Variants in DYSF observed in about 807,000 individuals in gnomAD.
DYSF encodes dysferlin, also known as dystrophy-associated fer-1-like 1.
In DYSF, 212 loss-of-function variants were observed where a neutral mutation model predicts 274.9. The observed-to-expected ratio is 0.77, with a 90% confidence interval of 0.69 to 0.86. DYSF has a LOEUF of 0.86. DYSF is among the 40% of genes least tolerant of loss of function. The probability of loss-of-function intolerance (pLI) is 0.00; values close to 1 mark genes in which losing one functional copy is unlikely to be tolerated. For synonymous variants in DYSF, 1,091 were observed against 1,078.7 expected, an observed-to-expected ratio of 1.01 and a Z score of -0.22; for missense variants, 2,666 against 2,783.2, an observed-to-expected ratio of 0.96 and a Z score of 0.95.
intron 14 of DYSF, among the ~76,000 whole-genome samples, chr2:71,529,777 G>A (rs2088443659): frequency 6.6e-6 from 1 of 152,100 alleles, no homozygotes; most frequent in South Asian, 2.1e-4. Context: ...CATTTAGTTG[G>A]GACTGCAAAG....
At chr2:71,499,674 T>C (rs894951424) in intron 3 of DYSF, among the ~76,000 whole-genome samples, 1 of 152,230 alleles carries the variant, frequency 6.6e-6, no homozygotes, top group Admixed American at 6.5e-5. Flanking sequence ...TCAAGCTGCC[T>C]TGGCCTCTCC....
chr2:71,495,084 T>C (rs1160393174), intron 3 of DYSF, among the ~76,000 whole-genome samples: 1 of 152,106 alleles, frequency 6.6e-6, no homozygotes, highest in Non-Finnish European at 1.5e-5. Context: ...TCCAGGCACA[T>C]GTGGGGGGTG....
chr2:71,517,568 C>T (rs1308919307), intron 10 of DYSF, among the ~76,000 whole-genome samples: 2 of 152,098 alleles, frequency 1.3e-5, no homozygotes, highest in African/African-American at 4.8e-5. Flanking sequence ...TCTATGTTAG[C>T]TAATTTGTTG....
Position 71,515,657 on chromosome 2 carries a change from C to T in DYSF, c.794C>T (p.Pro265Leu), listed in dbSNP as rs143053635. 1.0e-4 allele frequency: 166 copies of T among 1,613,936 alleles called. 1 individual carries two copies. In the African/African-American group the frequency reaches 1.5e-3, roughly 14 times the overall value. ...CAGGTGATCGAGGGGCGCCAGCTGC[C>T]GGGGGTGAACATCAAGCCTGTGGTC... Reference protein sequence around the residue: ...RVQVIEGRQLPGVNIKPVVKV... With the variant: ...RVQVIEGRQLLGVNIKPVVKV... The change falls in exon 8 of 56, where the codon CCG (proline) becomes CTG (leucine). Residue 265 changes from proline (P) to leucine (L), a missense_variant. This residue lies in a region of DYSF where 794 missense variants were observed against 777.1 expected (regional missense o/e 1.02). Coordinates refer to ENST00000410020, the MANE Select transcript of DYSF (RefSeq NM_001130987.2).
At chr2:71,570,172 C>G in intron 27 of DYSF, 57 bp from the exon 28 acceptor site, 1 of 1,500,786 alleles carries the variant, frequency 6.7e-7, no homozygotes, top group Non-Finnish European at 9.3e-7. Flanking sequence ...TTTTCTGCCT[C>G]CCTGCTCACA....
intron 31 of DYSF, among the ~76,000 whole-genome samples, chr2:71,589,980 T>C (rs1415987783): frequency 6.6e-6 from 1 of 152,196 alleles, no homozygotes; most frequent in Admixed American, 6.5e-5. Context: ...CCTCTTCCTC[T>C]ATCTCTTCTC....
chr2:71,591,302 G>T (rs1423869646), intron 32 of DYSF, among the ~76,000 whole-genome samples: 4 of 152,198 alleles, frequency 2.6e-5, no homozygotes, highest in Non-Finnish European at 5.9e-5. Context: ...CTCAGCACTT[G>T]GCCAGTGCCT....
At chr2:71,536,351 C>T (rs1483208418) in intron 16 of DYSF, among the ~76,000 whole-genome samples, 2 of 152,174 alleles carry the variant, frequency 1.3e-5, no homozygotes, top group Non-Finnish European at 2.9e-5. Context: ...CTAAAGAAAA[C>T]AGCTTGTGAG....
At position 71,679,148 on chromosome 2, in the gene DYSF, A is replaced by C. The variant is rs17718530; in HGVS notation, c.5976A>C (p.Pro1992=). The change falls in exon 53 of 56, where the codon CCA becomes CCC. Residue 1992 remains proline (P), a synonymous_variant. Transcript: ENST00000410020. The part of the protein sequence containing the change: ...SLDQLDDAFH[P]EWFVSLFEQK... ...ACCAGCTGGATGATGCTTTCCACCC[A>C]GAATGGTTTGTGTCCCTTTTTGAGC... 378,484 of 1,613,846 alleles carry C rather than the reference A, an allele frequency of 0.23. 46,718 individuals carry two copies. The highest frequency in any genetic ancestry group is 0.25 in the Non-Finnish European group (297,146 of 1,179,902).
rs1229328480 is a variant in DYSF at position 71,511,855 on chromosome 2, C to A, written c.394C>A (p.Pro132Thr). ...CTACACACCGCTGCCTGGAGCTGTG[C>A]CCCTGTTCCCGCCCCCTACTCCTCT... Reference protein sequence around the residue: ...VSYTPLPGAVPLFPPPTPLEP... With the variant: ...VSYTPLPGAVTLFPPPTPLEP... The change falls in exon 5 of 56, where the codon CCC becomes ACC. Residue 132 changes from proline (P) to threonine (T), a missense_variant. By Grantham distance (38) the Pro-to-Thr change is conservative. This residue lies in a region of DYSF where 794 missense variants were observed against 777.1 expected (regional missense o/e 1.02). Transcript: ENST00000410020. The A allele has an allele frequency of 6.4e-7, 1 of 1,551,716 alleles. No individual in the cohort carries two copies.
At chr2:71,551,013 C>A (rs576009822) in intron 17 of DYSF, 28 bp from the exon 18 acceptor site, 1 of 1,606,054 alleles carries the variant, frequency 6.2e-7, no homozygotes, top group Admixed American at 1.7e-5. Flanking sequence ...CTGGGCCGAC[C>A]CCTCTGATTG....
chr2:71,553,987 G>A (rs368573644), intron 21 of DYSF, 56 bp downstream of exon 21: 24 of 1,612,022 alleles, frequency 1.5e-5, no homozygotes, highest in Admixed American at 3.3e-5. Context: ...TGCTACCCCC[G>A]CTGCATGGGG....
intron 19 of DYSF, 91 bp downstream of exon 19, chr2:71,551,811 G>A: frequency 9.5e-7 from 1 of 1,057,984 alleles, no homozygotes; most frequent in South Asian, 1.4e-5. Flanking sequence ...ATGGCCGAGG[G>A]AGGAGGAAGC....
rs1257934718 is a variant in DYSF at position 71,574,283 on chromosome 2, A to T, written c.3314A>T (p.Asp1105Val). 7.4e-6 allele frequency: 12 copies of T among 1,614,002 alleles called. No homozygotes were observed. Among genetic ancestry groups the T allele is most frequent in the Non-Finnish European group, 1.0e-5 (12 of 1,180,000 alleles). ...TTCCACCTCGAGTACCGCAAGACAG[A>T]TGCCTTCCGCCGCCGCCGCTGGCGC... ...WKFHLEYRKT[D>V]AFRRRRWRRR... The change falls in exon 30 of 56, where the codon GAT becomes GTT. Residue 1105 changes from aspartate to valine, a missense_variant. Physicochemically the swap from Asp to Val is radical, Grantham distance 152 (BLOSUM62 -3). Transcript: ENST00000410020.
At chr2:71,460,621 T>TG (rs531008826) in intron 1 of DYSF, among the ~76,000 whole-genome samples, 1 of 151,988 alleles carries the variant, frequency 6.6e-6, no homozygotes, top group Non-Finnish European at 1.5e-5. Context: ...AGTTATCTGA[T>TG]TAGGGAGAAG....
intron 42 of DYSF, among the ~76,000 whole-genome samples, chr2:71,645,018 A>G (rs1572928662): frequency 6.6e-6 from 1 of 152,244 alleles, no homozygotes; most frequent in African/African-American, 2.4e-5. Context: ...GCAGATGGGC[A>G]GGTTGTGGGG....
chr2:71,620,006 T>C (rs1029364346), intron 40 of DYSF, among the ~76,000 whole-genome samples: 3 of 152,172 alleles, frequency 2.0e-5, no homozygotes, highest in East Asian at 3.9e-4. Flanking sequence ...ATAAGACTCC[T>C]AAAGTCCCCA....
intron 40 of DYSF, among the ~76,000 whole-genome samples, chr2:71,618,396 TGTGTGTGGTAGAGGTG>T (rs1400247329): frequency 0.013 from 1,356 of 103,828 alleles, no homozygotes; most frequent in African/African-American, 0.016. Context: ...GTGGTGTGTG[TGTGTGTGGTAGAGGTG>T]GTGTGTGTGT....
At chr2:71,662,765 TTGTATG>T (rs1173407648) in intron 45 of DYSF, among the ~76,000 whole-genome samples, 1 of 149,942 alleles carries the variant, frequency 6.7e-6, no homozygotes, top group Non-Finnish European at 1.5e-5. Flanking sequence ...GCATGTGTAT[TTGTATG>T]TGTGTGTGTA....
Sources: allele counts gnomAD v4.1 joint callset (sites outside exome capture counted in the v4.1 genomes callset), GRCh38; gene constraint gnomAD v4.1.1; regional missense constraint gnomAD v4.1.1; transcripts MANE v1.5; gene names NCBI Gene and HGNC (gene_info 2026-07-23, HGNC 2026-07-21).